The following TANGO6 variants were observed in gnomAD, a reference collection of about 807,000 sequenced individuals.
TANGO6 encodes the protein transport and Golgi organization protein 6 homolog.
A neutral mutation model predicts 114.2 loss-of-function variants in TANGO6; 90 were observed. The ratio of observed to expected loss-of-function variants is 0.79; its 90% CI spans 0.66 to 0.94. The LOEUF (loss-of-function observed/expected upper bound fraction) is 0.94, where lower values mean the gene tolerates loss of function less well. TANGO6 is among the 40% of genes least tolerant of loss of function. The pLI is 0.00. For missense variants in TANGO6, 1,274 were observed against 1,315.3 expected, an observed-to-expected ratio of 0.97 and a Z score of 0.49; for synonymous variants, 477 against 509.8, an observed-to-expected ratio of 0.94 and a Z score of 0.87.
At chr16:69,018,834 C>T (rs1250862034) in intron 15 of TANGO6, among the ~76,000 whole-genome samples, 1 of 151,976 alleles carries the variant, frequency 6.6e-6, no homozygotes, top group Non-Finnish European at 1.5e-5. Flanking sequence ...GGTTGAGGCC[C>T]GGGAGGCGGA....
chr16:68,882,554 G>C (rs1460906049), intron 7 of TANGO6, among the ~76,000 whole-genome samples: 2 of 152,012 alleles, frequency 1.3e-5, no homozygotes. Context: ...TTAGTAGGTA[G>C]GACAGGGAGC....
At chr16:68,948,748 A>C (rs2083631978) in intron 14 of TANGO6, among the ~76,000 whole-genome samples, 1 of 152,192 alleles carries the variant, frequency 6.6e-6, no homozygotes, top group African/African-American at 2.4e-5. Flanking sequence ...CTCTGTGTGT[A>C]TCTTTGAAAC....
chr16:68,921,607 C>CTTTTTTTTTTTTT (rs1167059062), intron 12 of TANGO6, among the ~76,000 whole-genome samples: 1 of 57,942 alleles, frequency 1.7e-5, no homozygotes, highest in Non-Finnish European at 3.4e-5. Context: ...TGAGAGTGTG[C>CTTTTTTTTTTTTT]TTTTTTTTTT....
Position 68,956,908 on chromosome 16 carries a change from G to A in TANGO6, c.2702-17120G>A, listed in dbSNP as rs60484327. Among the ~76,000 whole-genome samples the A allele has an allele frequency of 1.3e-4, 20 of 152,080 alleles. No homozygotes were observed. The East Asian group carries it at 3.1e-3, about 23-fold the overall frequency. ...CTTGTATTTGAGAGGTTATGATCAC[G>A]GAATGGACCTCTTCTGCTGACTTGC... is the stretch of plus-strand genomic sequence containing the variant. On this transcript the variant is annotated intron_variant, in intron 14 of 17. Coordinates refer to ENST00000261778, the MANE Select transcript of TANGO6 (RefSeq NM_024562.2).
chr16:69,076,608 T>G (rs1960383467), intron 17 of TANGO6, among the ~76,000 whole-genome samples: 1 of 152,198 alleles, frequency 6.6e-6, no homozygotes, highest in Non-Finnish European at 1.5e-5. Flanking sequence ...CTTTCTGTGT[T>G]CGAAGCAACG....
intron 9 of TANGO6, 96 bp from the exon 10 acceptor site, chr16:68,907,347 T>G: frequency 7.8e-7 from 1 of 1,289,174 alleles, no homozygotes; most frequent in Non-Finnish European, 1.0e-6. Context: ...GTTAACTGTT[T>G]GGACATAACA....
At chr16:68,981,387 T>C (rs1157192287) in intron 15 of TANGO6, among the ~76,000 whole-genome samples, 3 of 152,008 alleles carry the variant, frequency 2.0e-5, no homozygotes, top group Admixed American at 2.0e-4. Flanking sequence ...ATTTTTGTAT[T>C]TTTAGTAGAG....
chr16:68,845,716 G>C (rs1451935659), intron 1 of TANGO6, among the ~76,000 whole-genome samples: 1 of 152,146 alleles, frequency 6.6e-6, no homozygotes, highest in Non-Finnish European at 1.5e-5. Flanking sequence ...CTACACACCT[G>C]TGGTCCCAGC....
intron 14 of TANGO6, among the ~76,000 whole-genome samples, chr16:68,946,490 G>A (rs939738056): frequency 6.6e-6 from 1 of 151,882 alleles, no homozygotes; most frequent in Non-Finnish European, 1.5e-5. Flanking sequence ...CACCGCGCCC[G>A]GCCTTTTCTT....
At chr16:69,005,573 G>A (rs977425343) in intron 15 of TANGO6, among the ~76,000 whole-genome samples, 7 of 152,156 alleles carry the variant, frequency 4.6e-5, no homozygotes, top group African/African-American at 7.2e-5. Context: ...CAAGGCAGGT[G>A]TATCACCTGA....
intron 1 of TANGO6, among the ~76,000 whole-genome samples, chr16:68,859,222 G>C (rs1205276539): frequency 6.6e-6 from 1 of 152,104 alleles, no homozygotes; most frequent in African/African-American, 2.4e-5. Context: ...CCAGGCTAGA[G>C]TGCGGTGGCG....
At chr16:68,996,704 G>C (rs911525733) in intron 15 of TANGO6, among the ~76,000 whole-genome samples, 1 of 152,104 alleles carries the variant, frequency 6.6e-6, no homozygotes, top group African/African-American at 2.4e-5. Flanking sequence ...TTCAGTAACT[G>C]ATTTAAGGAG....
chr16:68,990,970 G>C (rs913907495), intron 15 of TANGO6, among the ~76,000 whole-genome samples: 10 of 152,070 alleles, frequency 6.6e-5, no homozygotes, highest in African/African-American at 2.4e-4. Flanking sequence ...ATGTTGTTGG[G>C]GCAAGAGATG....
At position 68,902,408 on chromosome 16, in the gene TANGO6, C is replaced by T. The variant is rs113588019; in HGVS notation, c.1571C>T (p.Ala524Val). The change falls in exon 9 of 18, where the codon GCA becomes GTA. Residue 524 changes from alanine to valine, a missense_variant. Physicochemically the swap from Ala to Val is moderately conservative, Grantham distance 64. This residue lies in a region of TANGO6 where 908 missense variants were observed against 910.2 expected (regional missense o/e 1.00). Transcript: ENST00000261778. ...KKAIASLKGF[A>V]GLDKAVPSLH... ...GCAATTGCCAGCCTGAAAGGATTTG[C>T]AGGGTTGGACAAAGCTGTGCCCTCT... The T allele has an allele frequency of 1.6e-4, 262 of 1,613,824 alleles. No homozygotes were observed. In the African/African-American group the frequency reaches 3.1e-3, roughly 19 times the overall value.
intron 11 of TANGO6, among the ~76,000 whole-genome samples, chr16:68,910,682 A>T (rs941747494): frequency 6.6e-6 from 1 of 152,100 alleles, no homozygotes; most frequent in Non-Finnish European, 1.5e-5. Context: ...GTTTTGTTTT[A>T]TTATTATTTT....
chr16:68,917,913 TG>T (rs1963029977), intron 11 of TANGO6, among the ~76,000 whole-genome samples: 1 of 148,416 alleles, frequency 6.7e-6, no homozygotes, highest in Non-Finnish European at 1.5e-5. Context: ...CCACTATGCC[TG>T]GCTAATTTTT....
intron 17 of TANGO6, among the ~76,000 whole-genome samples, chr16:69,066,469 G>T (rs1007865971): frequency 6.6e-6 from 1 of 151,722 alleles, no homozygotes; most frequent in Non-Finnish European, 1.5e-5. Flanking sequence ...TAGTTTTTTT[G>T]TATTTTTAGT....
At chr16:68,863,601 A>T (rs995940542) in intron 3 of TANGO6, among the ~76,000 whole-genome samples, 3 of 151,868 alleles carry the variant, frequency 2.0e-5, no homozygotes. Flanking sequence ...CAAGAGTGAA[A>T]CTCAGTCTCA....
intron 15 of TANGO6, among the ~76,000 whole-genome samples, chr16:68,995,114 A>T (rs1028358681): frequency 4.6e-5 from 7 of 152,156 alleles, no homozygotes; most frequent in Non-Finnish European, 7.4e-5. Context: ...CATGGTCCCA[A>T]TCTAAGCCTG....
Sources: gnomAD v4.1 joint callset for allele counts (sites outside exome capture counted in the v4.1 genomes callset) on GRCh38, gnomAD v4.1.1 for gene constraint, gnomAD v4.1.1 regional missense constraint, MANE v1.5 for transcripts, NCBI Gene and HGNC (gene_info 2026-07-23, HGNC 2026-07-21) for gene names.